The following ZNF333 variants were observed in gnomAD, a reference collection of about 807,000 sequenced individuals.
The protein encoded by ZNF333 is zinc finger protein 333.
Under a neutral mutation model 76.1 loss-of-function variants are expected in ZNF333, and 61 were observed. That is an observed-to-expected ratio of 0.80 (90% CI 0.65 to 0.99). ZNF333 has a LOEUF of 0.99. Ranked by LOEUF, ZNF333 falls within the 50% of genes least tolerant of loss-of-function variation. ZNF333 has a pLI of 0.00. For missense variants in ZNF333, 717 were observed against 822.4 expected (o/e 0.87, Z 1.57); for synonymous variants, 284 against 305.0 (o/e 0.93, Z 0.72).
At chr19:14,703,779 T>C (rs1380426804) in intron 5 of ZNF333, among the ~76,000 whole-genome samples, 1 of 152,034 alleles carries the variant, frequency 6.6e-6, no homozygotes, top group Non-Finnish European at 1.5e-5. Flanking sequence ...AGGGGAAATA[T>C]TGGCTGGGTG....
At chr19:14,724,378 G>T (rs191293087), downstream of ZNF333, among the ~76,000 whole-genome samples, 2 of 152,270 alleles carry the variant, frequency 1.3e-5, no homozygotes, top group East Asian at 3.9e-4. Flanking sequence ...TTATAACACT[G>T]GCAACCTGGT....
chr19:14,712,923 T>A (rs1314935826), intron 7 of ZNF333, among the ~76,000 whole-genome samples: 1 of 152,152 alleles, frequency 6.6e-6, no homozygotes, highest in South Asian at 2.1e-4. Flanking sequence ...AGCAGTCTGT[T>A]CTCTAGTCCC....
intron 7 of ZNF333, among the ~76,000 whole-genome samples, chr19:14,714,355 G>T (rs137905862): frequency 6.6e-6 from 1 of 152,130 alleles, no homozygotes; most frequent in Non-Finnish European, 1.5e-5. Flanking sequence ...AGACAGACAC[G>T]CAGGGAGGGG....
At chr19:14,703,348 T>C (rs1298723033) in intron 5 of ZNF333, among the ~76,000 whole-genome samples, 2 of 152,030 alleles carry the variant, frequency 1.3e-5, no homozygotes, top group East Asian at 3.8e-4. Context: ...GGAACTACAA[T>C]TCAAGATGAG....
In ZNF333 at chr19:14,718,817, T is replaced by C; in HGVS notation, c.1490T>C (p.Leu497Pro). The C allele has an allele frequency of 6.2e-7, 1 of 1,613,590 alleles. No individual in the cohort carries two copies. The highest frequency in any genetic ancestry group is 8.5e-7 in the Non-Finnish European group (1 of 1,179,908). The change falls in exon 12 of 12, where the codon CTG (leucine) becomes CCG (proline). Residue 497 changes from leucine (L) to proline (P), a missense_variant. Physicochemically the swap from Leu to Pro is moderately conservative, Grantham distance 98. Transcript: ENST00000292530. ...FREHSSLKTH[L>P]RTHTREKPYE... is the part of the protein sequence containing the mutation. ...GAACACTCTTCACTGAAGACACATC[T>C]GCGAACCCATACCAGAGAGAAACCA...
intron 2 of ZNF333, among the ~76,000 whole-genome samples, chr19:14,694,396 C>A (rs1162834081): frequency 6.6e-6 from 1 of 152,010 alleles, no homozygotes; most frequent in Non-Finnish European, 1.5e-5. Flanking sequence ...TCGCTTGAAC[C>A]CAGGAGGTGA....
At chr19:14,701,826 C>T (rs2041966583) in intron 5 of ZNF333, 1 of 985,488 alleles carries the variant, frequency 1.0e-6, no homozygotes. Context: ...CAGAGGAGGT[C>T]CACCTATGGA....
chr19:14,690,131 T>A lies in ZNF333; in HGVS notation c.-61T>A, dbSNP rs1385173063. The A allele has an allele frequency of 7.4e-6, 1 of 134,710 alleles. No homozygotes were observed. The highest frequency in any genetic ancestry group is 1.5e-5 in the Non-Finnish European group (1 of 64,552). 8.3% of individuals were successfully genotyped at this position (134,710 alleles called of 1,614,324 possible). The stretch of plus-strand genomic sequence containing the variant: ...GCGGTGCGGCACGGCACGGTGGGAG[T>A]GTCTCCGGCTGGCTTGCAGGTGTGG... On this transcript the variant is annotated 5_prime_UTR_variant, in exon 1 of 12. Coordinates refer to ENST00000292530, the MANE Select transcript of ZNF333 (RefSeq NM_032433.4).
chr19:14,718,693 G>A lies in ZNF333; in HGVS notation c.1366G>A (p.Gly456Arg). The change falls in exon 12 of 12, where the codon GGG becomes AGG. Residue 456 changes from glycine to arginine, a missense_variant. Gly to Arg is a moderately radical substitution (Grantham distance 125, BLOSUM62 -2). Coordinates refer to ENST00000292530, the MANE Select transcript of ZNF333 (RefSeq NM_032433.4). ...GAAGCCCTACGAGTGTAAAGATTGT[G>A]GGAAAGCCTTCAATCAGCCATCATC... ...GEKPYECKDCGKAFNQPSSLR... is the reference protein window; with the variant it reads ...GEKPYECKDCRKAFNQPSSLR... The A allele has an allele frequency of 6.2e-7, 1 of 1,614,072 alleles. No homozygotes were observed. The highest frequency in any genetic ancestry group is 1.1e-5 in the South Asian group (1 of 91,076).
chr19:14,723,851 A>C (rs1453283582), downstream of ZNF333, among the ~76,000 whole-genome samples: 1 of 152,254 alleles, frequency 6.6e-6, no homozygotes, highest in Non-Finnish European at 1.5e-5. Flanking sequence ...AATGACCAAC[A>C]GGAGAGGGCA....
Position 14,719,296 on chromosome 19 carries a change from C to G in ZNF333, c.1969C>G (p.His657Asp), listed in dbSNP as rs200385263. 2 of 1,612,378 alleles carry G rather than the reference C, an allele frequency of 1.2e-6. No homozygotes were observed. The highest frequency in any genetic ancestry group is 1.7e-6 in the Non-Finnish European group (2 of 1,179,096). ...RNGSLPLSMS[H>D]PYCGPLAN is the part of the protein sequence containing the mutation. ...TGGCAGCCTGCCTTTATCCATGTCT[C>G]ATCCATACTGTGGGCCCCTTGCTAA... The change falls in exon 12 of 12, where the codon CAT (histidine) becomes GAT (aspartate). Residue 657 changes from histidine (H) to aspartate (D), a missense_variant. His to Asp is a moderately conservative substitution (Grantham distance 81). Coordinates refer to ENST00000292530, the MANE Select transcript of ZNF333 (RefSeq NM_032433.4).
chr19:14,693,421 T>A (rs1425967063), intron 1 of ZNF333, 30 bp from the exon 2 acceptor site: 1 of 1,557,764 alleles, frequency 6.4e-7, no homozygotes, highest in Non-Finnish European at 8.8e-7. Flanking sequence ...CCTCACCCCT[T>A]CTTTTACCTC....
At chr19:14,715,510 C>G in intron 8 of ZNF333, 40 bp downstream of exon 8, 3 of 1,584,152 alleles carry the variant, frequency 1.9e-6, no homozygotes, top group Non-Finnish European at 8.7e-7. Context: ...CACTGCTGTG[C>G]CCAAAGGCTG....
intron 4 of ZNF333, 37 bp downstream of exon 4, chr19:14,695,698 CT>C (rs1177890392): frequency 1.3e-6 from 2 of 1,585,118 alleles, no homozygotes; most frequent in African/African-American, 1.3e-5. Context: ...CCCGACCCCC[CT>C]GGTTGGGTGG....
In ZNF333 at chr19:14,717,586, T is replaced by A. The variant is rs536140649; in HGVS notation, c.824-71T>A. The A allele has an allele frequency of 1.1e-5, 15 of 1,401,190 alleles. No homozygotes were observed. The African/African-American group carries it at 2.0e-4, about 19-fold the overall frequency. The allele number at this position is 1,401,190 out of a possible 1,614,324, so 86.8% of individuals were successfully genotyped here. On this transcript the variant is annotated intron_variant, in intron 10 of 11. Coordinates refer to ENST00000292530, the MANE Select transcript of ZNF333 (RefSeq NM_032433.4). ...AAAAGTCCACATGTGCCTTGCCTAC[T>A]TTTGAGGTGACCTTGATCCCACAGT...
intron 7 of ZNF333, among the ~76,000 whole-genome samples, chr19:14,710,877 C>T (rs975007898): frequency 8.6e-5 from 13 of 151,934 alleles, no homozygotes; most frequent in Non-Finnish European, 1.5e-4. Context: ...CTGCTCCTGG[C>T]GAGGGCCTCA....
rs2042274477 is a variant in ZNF333, at chr19:14,711,510, AT to A, written c.512-3871del. Among the ~76,000 whole-genome samples the A allele has an allele frequency of 3.3e-5, 5 of 152,216 alleles. 1 individual carries two copies. In the South Asian group the frequency reaches 1.0e-3, roughly 32 times the overall value. On this transcript the variant is annotated intron_variant, in intron 7 of 11. Transcript: ENST00000292530. ...CATAGCGAGACCCCATCTCTACAAA[AT>A]AAGAAAATTAGCCAGGCATGGTTGT...
intron 4 of ZNF333, among the ~76,000 whole-genome samples, chr19:14,698,897 TAG>T (rs1374372646): frequency 0.026 from 2,767 of 105,364 alleles, 38 homozygotes; most frequent in East Asian, 0.068. Flanking sequence ...CACACAAATA[TAG>T]ATATATATAT....
At chr19:14,695,504 A>C in intron 3 of ZNF333, 62 bp from the exon 4 acceptor site, 1 of 1,489,278 alleles carries the variant, frequency 6.7e-7, no homozygotes, top group Non-Finnish European at 9.3e-7. Flanking sequence ...TTGAGAAACA[A>C]GAGTTTGTTT....
Sources: gnomAD v4.1 joint callset for allele counts (sites outside exome capture counted in the v4.1 genomes callset) on GRCh38, gnomAD v4.1.1 for gene constraint, MANE v1.5 for transcripts, NCBI Gene and HGNC (gene_info 2026-07-23, HGNC 2026-07-21) for gene names.